The following RAPGEFL1 variants were observed in gnomAD, a reference collection of about 807,000 sequenced individuals.
RAPGEFL1 encodes rap guanine nucleotide exchange factor-like 1.
Under a neutral mutation model 64.4 loss-of-function variants are expected in RAPGEFL1, and 31 were observed. The observed-to-expected ratio is 0.48, with a 90% CI of 0.36 to 0.65. The LOEUF is 0.65. Among genes scored for constraint, RAPGEFL1 ranks in the 30% least tolerant of loss-of-function variants. RAPGEFL1 has a pLI of 0.00. For missense variants in RAPGEFL1, 682 were observed against 677.4 expected (o/e 1.01, Z -0.08); for synonymous variants, 331 against 274.1 (o/e 1.21, Z -2.05).
intron 13 of RAPGEFL1, 140 bp from the exon 14 acceptor site, chr17:40,193,223 A>T (rs755515096): frequency 3.9e-5 from 40 of 1,030,308 alleles, no homozygotes; most frequent in Non-Finnish European, 5.7e-5. Context: ...TGTTACACCC[A>T]CTCCTTTGGT....
At position 40,188,952 on chromosome 17, in the gene RAPGEFL1, G is replaced by T; in HGVS notation, c.920G>T (p.Arg307Leu). Residue 307 changes from arginine (R) to leucine (L), a missense_variant, in exon 5 of 15, where the codon CGG becomes CTG. This residue lies in a region of RAPGEFL1 where 411 missense variants were observed against 519.4 expected (regional missense o/e 0.79). Coordinates refer to ENST00000620260, the MANE Select transcript of RAPGEFL1 (RefSeq NM_016339.6). ...CGGATAGACTCCTGTCTGCAGACCCGGGTGGCCTTCCGGGGCTCTGATGAG... is the reference window on the plus strand; with the variant it reads ...CGGATAGACTCCTGTCTGCAGACCCTGGTGGCCTTCCGGGGCTCTGATGAG... ...FRRIDSCLQTRVAFRGSDEIF... is the reference protein window; with the variant it reads ...FRRIDSCLQTLVAFRGSDEIF... 6.2e-7 allele frequency: 1 copy of T among 1,614,166 alleles called. No individual in the cohort carries two copies. The highest frequency in any genetic ancestry group is 2.2e-5 in the East Asian group (1 of 44,884).
chr17:40,190,553 G>A, intron 7 of RAPGEFL1, 22 bp downstream of exon 7: 1 of 1,614,146 alleles, frequency 6.2e-7, no homozygotes, highest in Non-Finnish European at 8.5e-7. Context: ...CCAAGGCCTT[G>A]ACTGGAATGG....
Position 40,193,861 on chromosome 17 carries a change from C to T in RAPGEFL1, c.*73C>T. The stretch of plus-strand genomic sequence containing the variant: ...TCAAGCACTTTGCACGATGTCTCAA[C>T]CAACATCTGACATCTTTCCCGTGGA... On this transcript the variant is annotated 3_prime_UTR_variant, in exon 15 of 15. Transcript: ENST00000620260. 2 of 1,593,984 alleles carry T rather than the reference C, an allele frequency of 1.3e-6. No homozygotes were observed. Among genetic ancestry groups the T allele is most frequent in the Non-Finnish European group, 1.7e-6 (2 of 1,166,984 alleles).
Position 40,191,556 on chromosome 17 carries a change from C to G in RAPGEFL1, c.1515-26C>G. The G allele has an allele frequency of 6.4e-7, 1 of 1,572,892 alleles. No homozygotes were observed. The highest frequency in any genetic ancestry group is 8.6e-7 in the Non-Finnish European group (1 of 1,160,816). ...CCGGAGGCCCGCGCCGCCGCCCGCC[C>G]CTGACCCCGCCTCCCACCCCCGCAG... On this transcript the variant is annotated intron_variant, in intron 9 of 14. Transcript: ENST00000620260. This position sits in a 1 kb window ranked among gnomAD's most constrained non-coding sequence, Gnocchi z 5.1.
At position 40,192,700 on chromosome 17, in the gene RAPGEFL1, G is replaced by C; in HGVS notation, c.1744+7G>C. The C allele has an allele frequency of 6.2e-7, 1 of 1,609,676 alleles. No individual in the cohort carries two copies. Among genetic ancestry groups the C allele is most frequent in the Non-Finnish European group, 8.5e-7 (1 of 1,176,238 alleles). On this transcript the variant is annotated splice_region_variant and intron_variant, in intron 12 of 14. Transcript: ENST00000620260. ...GTGCCTCTGATCCTCAAAGGTGAGA[G>C]AGTTACTCCCAAGCTGTGCCGCTTC...
chr17:40,177,323 C>T (rs1054817301), upstream of RAPGEFL1: 4 of 700,400 alleles, frequency 5.7e-6, no homozygotes, highest in Admixed American at 6.0e-5. Context: ...ATTTCTTCTG[C>T]TTAGAACCCA....
intron 4 of RAPGEFL1, among the ~76,000 whole-genome samples, chr17:40,186,565 A>G (rs1228429765): frequency 9.0e-6 from 1 of 110,894 alleles, no homozygotes; most frequent in African/African-American, 3.6e-5. Context: ...ACAGAGCGAG[A>G]CTCCGTCTCA....
At chr17:40,192,463 T>G in intron 11 of RAPGEFL1, 143 bp from the exon 12 acceptor site, 1 of 908,150 alleles carries the variant, frequency 1.1e-6, no homozygotes, top group Non-Finnish European at 1.7e-6. Flanking sequence ...GTCAGGTCCC[T>G]CCCCACCACA....
At chr17:40,190,200 GA>G (rs1176164521) in intron 6 of RAPGEFL1, among the ~76,000 whole-genome samples, 1 of 152,192 alleles carries the variant, frequency 6.6e-6, no homozygotes, top group Non-Finnish European at 1.5e-5. Context: ...AAGGACAACA[GA>G]GTAAGAGAAA....
In RAPGEFL1 at chr17:40,177,971, G is replaced by C. The variant is rs12936914; in HGVS notation, c.110G>C (p.Gly37Ala). Residue 37 changes from glycine (G) to alanine (A), a missense_variant, in exon 1 of 15, where the codon GGT becomes GCT. By Grantham distance (60) the Gly-to-Ala change is moderately conservative. Coordinates refer to ENST00000620260, the MANE Select transcript of RAPGEFL1 (RefSeq NM_016339.6). ...GLGSCGGPGG[G>A]GGPGGGGGPA... The stretch of plus-strand genomic sequence containing the variant: ...GGGAGCTGCGGTGGGCCTGGAGGGG[G>C]TGGGGGACCCGGCGGGGGCGGCGGT... The C allele has an allele frequency of 3.4e-3, 1,644 of 481,320 alleles. 24 individuals carry two copies. Among genetic ancestry groups the C allele is most frequent in the African/African-American group, 0.031 (1,508 of 48,914 alleles). The allele number at this position is 481,320 out of a possible 1,614,324, so 29.8% of individuals were successfully genotyped here.
intron 14 of RAPGEFL1, 96 bp from the exon 15 acceptor site, chr17:40,193,568 T>G: frequency 6.3e-7 from 1 of 1,598,818 alleles, no homozygotes; most frequent in Non-Finnish European, 8.6e-7. Context: ...CTGCCCAACA[T>G]CTGTCTCAGT....
chr17:40,192,330 C>A (rs962551679), intron 11 of RAPGEFL1, 67 bp downstream of exon 11: 13 of 1,507,880 alleles, frequency 8.6e-6, no homozygotes, highest in East Asian at 6.8e-5. Context: ...TTCCCATAAA[C>A]CCCCTTCCTC....
rs150223430 is a variant in RAPGEFL1 at position 40,193,686 on chromosome 17, C to T, written c.1887C>T (p.Pro629=). The T allele has an allele frequency of 1.3e-4, 205 of 1,613,976 alleles. No homozygotes were observed. Among genetic ancestry groups the T allele is most frequent in the Non-Finnish European group, 1.7e-5 (20 of 1,180,036 alleles). Residue 629 remains proline (P), a synonymous_variant, in exon 15 of 15, where the codon CCC becomes CCT. Coordinates refer to ENST00000620260, the MANE Select transcript of RAPGEFL1 (RefSeq NM_016339.6). ...TAGGCCTGGACATGGAGGCATCCCC[C>T]AATCACCTGCAGACCAAGGCCTATG... ...RPLCLDMEAS[P]NHLQTKAYVR...
chr17:40,188,581 A>T (rs1003237517), intron 4 of RAPGEFL1: 3 of 436,194 alleles, frequency 6.9e-6, no homozygotes, highest in Non-Finnish European at 8.5e-6. Flanking sequence ...GGTGAACATA[A>T]ACATTATCCC....
At chr17:40,189,935 CAA>C (rs2145219751) in intron 6 of RAPGEFL1, among the ~76,000 whole-genome samples, 1 of 144,838 alleles carries the variant, frequency 6.9e-6, no homozygotes, top group Admixed American at 6.9e-5. Context: ...GTCTGGGCAA[CAA>C]GAGCGAAACT....
chr17:40,185,185 G>A (rs941205569), intron 4 of RAPGEFL1, among the ~76,000 whole-genome samples: 1 of 152,118 alleles, frequency 6.6e-6, no homozygotes, highest in Non-Finnish European at 1.5e-5. Context: ...ATAATCCAGT[G>A]GTGTACTGGT....
intron 6 of RAPGEFL1, 71 bp downstream of exon 6, chr17:40,189,446 G>A (rs1288960207): frequency 1.3e-6 from 2 of 1,527,346 alleles, no homozygotes; most frequent in Non-Finnish European, 8.9e-7. Context: ...CTGGGGGAGG[G>A]GTAGAGACTG....
At chr17:40,192,518 C>A in intron 11 of RAPGEFL1, 88 bp from the exon 12 acceptor site, 2 of 1,188,522 alleles carry the variant, frequency 1.7e-6, no homozygotes, top group Non-Finnish European at 2.5e-6. Flanking sequence ...GGAATGTATA[C>A]AAGGCAGGGG....
chr17:40,178,244 C>T lies in RAPGEFL1; in HGVS notation c.383C>T (p.Ser128Phe). The change falls in exon 1 of 15, where the codon TCT becomes TTT. Residue 128 changes from serine to phenylalanine, a missense_variant. Ser to Phe is a radical substitution (Grantham distance 155, BLOSUM62 -2). Coordinates refer to ENST00000620260, the MANE Select transcript of RAPGEFL1 (RefSeq NM_016339.6). ...GPLRSPSSYS[S>F]DELSPGEPLT... ...CTGCGCTCCCCTTCCTCCTACTCAT[C>T]TGACGAGCTGTCCCCAGGCGAGCCC... The T allele has an allele frequency of 1.6e-6, 1 of 643,724 alleles. No homozygotes were observed. Among genetic ancestry groups the T allele is most frequent in the East Asian group, 3.2e-5 (1 of 31,234 alleles). The allele number at this position is 643,724 out of a possible 1,614,324, so 39.9% of individuals were successfully genotyped here. A position where few individuals can be genotyped will look rare whatever the true frequency, so the allele number is the denominator to read the frequency against.
Sources: gnomAD v4.1 joint callset for allele counts (sites outside exome capture counted in the v4.1 genomes callset) on GRCh38, gnomAD v4.1.1 for gene constraint, gnomAD v4.1.1 regional missense constraint, Gnocchi (gnomAD v3.1) non-coding constraint, MANE v1.5 for transcripts, NCBI Gene and HGNC (gene_info 2026-07-23, HGNC 2026-07-21) for gene names.